The following PDE3A variants were observed in gnomAD, a reference collection of about 807,000 sequenced individuals.
PDE3A encodes phosphodiesterase 3A, also known as cGMP-inhibited 3',5'-cyclic phosphodiesterase 3A.
PDE3A carries 43 observed loss-of-function variants against 98.3 expected under a neutral mutation model. The ratio of observed to expected loss-of-function variants is 0.44; its 90% CI spans 0.34 to 0.56. The LOEUF is 0.56. Ranked by LOEUF, PDE3A falls within the 20% of genes least tolerant of loss-of-function variation. PDE3A has a pLI of 0.01. For missense variants in PDE3A, 1,427 were observed against 1,440.7 expected (o/e 0.99, Z 0.15); for synonymous variants, 663 against 567.9 (o/e 1.17, Z -2.38).
chr12:20,557,508 A>G (rs755097314), intron 2 of PDE3A, among the ~76,000 whole-genome samples: 1 of 152,176 alleles, frequency 6.6e-6, no homozygotes, highest in Non-Finnish European at 1.5e-5. Context: ...TATTGCACAC[A>G]TTTTGCATTT....
chr12:20,572,985 A>T (rs1389382222), intron 2 of PDE3A, among the ~76,000 whole-genome samples: 3 of 152,112 alleles, frequency 2.0e-5, no homozygotes, highest in Non-Finnish European at 4.4e-5. Context: ...CTACATTTCT[A>T]AACACACTGA....
intron 1 of PDE3A, among the ~76,000 whole-genome samples, chr12:20,531,368 G>A (rs535403379): frequency 8.6e-5 from 13 of 152,030 alleles, no homozygotes; most frequent in Non-Finnish European, 1.9e-4. Context: ...TAAAATTAAA[G>A]ATAATTCTAT....
intron 1 of PDE3A, chr12:20,551,826 G>C (rs574485081): frequency 8.4e-5 from 135 of 1,613,850 alleles, no homozygotes; most frequent in Non-Finnish European, 1.1e-4. Flanking sequence ...ACTGGGACAA[G>C]GGCATGGCCT....
chr12:20,654,229 A>G, intron 15 of PDE3A, 24 bp downstream of exon 15: 1 of 1,609,442 alleles, frequency 6.2e-7, no homozygotes, highest in South Asian at 1.1e-5. Context: ...CCTAGTTCTA[A>G]TGTGTTTTCC....
chr12:20,670,474 A>G (rs565605455), intron 15 of PDE3A, among the ~76,000 whole-genome samples: 35 of 152,312 alleles, frequency 2.3e-4, no homozygotes, highest in Middle Eastern at 6.8e-3. Context: ...CAAATGTAAA[A>G]GGACAGAAAT....
At chr12:20,398,576 G>T (rs971383832) in intron 1 of PDE3A, among the ~76,000 whole-genome samples, 13 of 151,960 alleles carry the variant, frequency 8.6e-5, no homozygotes, top group African/African-American at 2.9e-4. Context: ...TCTGTAAAAT[G>T]ATATAGCCTA....
At chr12:20,393,873 G>A (rs1406218467) in intron 1 of PDE3A, among the ~76,000 whole-genome samples, 2 of 151,970 alleles carry the variant, frequency 1.3e-5, no homozygotes, top group Non-Finnish European at 2.9e-5. Context: ...ACCTGCCTTC[G>A]ATTCTGATAT....
intron 15 of PDE3A, among the ~76,000 whole-genome samples, chr12:20,672,834 A>C (rs1475769297): frequency 1.6e-3 from 217 of 133,294 alleles, no homozygotes; most frequent in Middle Eastern, 3.6e-3. Flanking sequence ...GCAACAAAAG[A>C]CAAAATTGAC....
chr12:20,630,194 A>G, intron 6 of PDE3A, 67 bp downstream of exon 6: 1 of 1,148,378 alleles, frequency 8.7e-7, no homozygotes, highest in Admixed American at 1.7e-5. Context: ...AGAAATACCT[A>G]CCACCAGCCC....
At chr12:20,473,251 G>A (rs1247865325) in intron 1 of PDE3A, among the ~76,000 whole-genome samples, 2 of 152,164 alleles carry the variant, frequency 1.3e-5, no homozygotes, top group Admixed American at 1.3e-4. Context: ...AAAGAGACAT[G>A]TATCTCCCTA....
At position 20,462,240 on chromosome 12, in the gene PDE3A, C is replaced by T. The variant is rs1181289781; in HGVS notation, c.960+91996C>T. Among the ~76,000 whole-genome samples the T allele has an allele frequency of 8.5e-5, 13 of 152,282 alleles. No individual in the cohort carries two copies. In the East Asian group the frequency reaches 2.1e-3, roughly 25 times the overall value. On this transcript the variant is annotated intron_variant, in intron 1 of 15. Transcript: ENST00000359062. ...GCGCGGTGGCTTATGCCTGTAATCC[C>T]AGCACTTTGGGAGGCTAAGATGGGC...
intron 1 of PDE3A, among the ~76,000 whole-genome samples, chr12:20,496,256 T>C (rs967577837): frequency 2.6e-5 from 4 of 152,114 alleles, no homozygotes; most frequent in Non-Finnish European, 5.9e-5. Flanking sequence ...ATAAATGAAG[T>C]GATGAAGTGA....
intron 15 of PDE3A, among the ~76,000 whole-genome samples, chr12:20,673,772 G>A (rs1005046248): frequency 5.4e-5 from 8 of 149,430 alleles, no homozygotes; most frequent in Admixed American, 4.0e-4. Flanking sequence ...TGGGTGCAGT[G>A]CACCAGCATG....
intron 13 of PDE3A, among the ~76,000 whole-genome samples, chr12:20,649,655 A>G (rs1462088673): frequency 1.4e-4 from 21 of 152,272 alleles, no homozygotes. Flanking sequence ...GCCAAGCACA[A>G]TGGCTCACGC....
At chr12:20,611,158 T>C (rs1408424196) in intron 2 of PDE3A, among the ~76,000 whole-genome samples, 1 of 151,868 alleles carries the variant, frequency 6.6e-6, no homozygotes, top group Non-Finnish European at 1.5e-5. Context: ...GCCTCAAGTA[T>C]ACACAATACA....
chr12:20,441,081 A>C (rs1013046907), intron 1 of PDE3A, among the ~76,000 whole-genome samples: 10 of 152,182 alleles, frequency 6.6e-5, no homozygotes, highest in African/African-American at 2.4e-4. Flanking sequence ...CACTACCACA[A>C]AGTACTGTTG....
chr12:20,411,142 A>T (rs1944325570), intron 1 of PDE3A, among the ~76,000 whole-genome samples: 1 of 152,244 alleles, frequency 6.6e-6, no homozygotes, highest in African/African-American at 2.4e-5. Context: ...ATGGTATAAT[A>T]CACATAACAA....
At chr12:20,460,204 A>G (rs1945224017) in intron 1 of PDE3A, among the ~76,000 whole-genome samples, 1 of 152,238 alleles carries the variant, frequency 6.6e-6, no homozygotes, top group African/African-American at 2.4e-5. Flanking sequence ...GGCTAAGGAT[A>G]AAGAAAAATG....
At chr12:20,602,839 T>C (rs979579337) in intron 2 of PDE3A, among the ~76,000 whole-genome samples, 1 of 152,218 alleles carries the variant, frequency 6.6e-6, no homozygotes, top group Non-Finnish European at 1.5e-5. Context: ...GATTTCATTT[T>C]TTAAAAATTT....
Sources: allele counts gnomAD v4.1 joint callset (sites outside exome capture counted in the v4.1 genomes callset), GRCh38; gene constraint gnomAD v4.1.1; transcripts MANE v1.5; gene names NCBI Gene and HGNC (gene_info 2026-07-23, HGNC 2026-07-21).